Variants in CFAP61 observed in about 807,000 individuals in gnomAD.
CFAP61 encodes the protein cilia- and flagella-associated protein 61.
Under a neutral mutation model 135.6 loss-of-function variants are expected in CFAP61, and 107 were observed. The observed-to-expected ratio is 0.79, with a 90% CI of 0.67 to 0.93. CFAP61 has a LOEUF of 0.93. CFAP61 is among the 40% of genes least tolerant of loss of function. The pLI is 0.00. For synonymous variants in CFAP61, 575 were observed against 578.5 expected, an observed-to-expected ratio of 0.99 and a Z score of 0.09; for missense variants, 1,507 against 1,556.2, an observed-to-expected ratio of 0.97 and a Z score of 0.53.
At chr20:20,300,180 T>A (rs1380298125) in intron 25 of CFAP61, among the ~76,000 whole-genome samples, 1 of 152,184 alleles carries the variant, frequency 6.6e-6, no homozygotes, top group African/African-American at 2.4e-5. Context: ...CACAGTTATG[T>A]CCAGTGCAGA....
At chr20:20,069,053 A>G (rs2045520336) in intron 2 of CFAP61, among the ~76,000 whole-genome samples, 1 of 151,838 alleles carries the variant, frequency 6.6e-6, no homozygotes. Flanking sequence ...TTTACCTTCT[A>G]TATATACCGA....
rs997211994 is a variant in CFAP61, at chr20:20,105,179, C to T, written c.859+6365C>T. On this transcript the variant is annotated intron_variant, in intron 8 of 26. Coordinates refer to ENST00000245957, the MANE Select transcript of CFAP61 (RefSeq NM_015585.4). ...GTTCTTCCCCTGGCTGGATGTAAGC[C>T]GCACCCACCCAACCTTCTGTGCCCG... 9.2e-5 allele frequency among the ~76,000 whole-genome samples: 14 copies of T among 152,162 alleles called. 1 individual carries two copies. The South Asian group carries it at 2.1e-3, about 23-fold the overall frequency.
At chr20:20,325,836 G>A (rs2057727802) in intron 25 of CFAP61, among the ~76,000 whole-genome samples, 1 of 152,170 alleles carries the variant, frequency 6.6e-6, no homozygotes, top group Non-Finnish European at 1.5e-5. Context: ...CACCAGCAAT[G>A]AATGAGAGCT....
intron 24 of CFAP61, among the ~76,000 whole-genome samples, chr20:20,291,859 G>C (rs545534049): frequency 1.3e-5 from 2 of 152,162 alleles, no homozygotes; most frequent in Non-Finnish European, 2.9e-5. Context: ...GATATGTCAC[G>C]TTTGATTTTT....
At chr20:20,340,839 C>A (rs577567698) in intron 25 of CFAP61, among the ~76,000 whole-genome samples, 3 of 152,242 alleles carry the variant, frequency 2.0e-5, no homozygotes, top group African/African-American at 7.2e-5. Flanking sequence ...GAACTGATGC[C>A]ATGTTCTGAT....
rs947596390 is a variant in CFAP61, at chr20:20,359,433, G to A, written c.3514-777G>A. ...TAATCCCAGCACTTTGGGAGGCCGA[G>A]GTGGGCAGATCACCTGAGGTCGGGA... On this transcript the variant is annotated intron_variant, in intron 26 of 26. Coordinates refer to ENST00000245957, the MANE Select transcript of CFAP61 (RefSeq NM_015585.4). This position sits in a 1 kb window ranked among gnomAD's most constrained non-coding sequence, Gnocchi z 4.0. Among the ~76,000 whole-genome samples the A allele has an allele frequency of 1.3e-5, 2 of 152,104 alleles. No homozygotes were observed. Among genetic ancestry groups the A allele is most frequent in the Non-Finnish European group, 2.9e-5 (2 of 68,016 alleles).
At chr20:20,113,518 A>G (rs2048937745) in intron 8 of CFAP61, among the ~76,000 whole-genome samples, 2 of 152,184 alleles carry the variant, frequency 1.3e-5, no homozygotes, top group Non-Finnish European at 2.9e-5. Context: ...GTTCTAAGCA[A>G]TGTCCTCCAA....
intron 25 of CFAP61, among the ~76,000 whole-genome samples, chr20:20,318,254 G>C (rs948392790): frequency 1.3e-5 from 2 of 152,182 alleles, no homozygotes; most frequent in African/African-American, 4.8e-5. Flanking sequence ...ACTTAGGCCT[G>C]TATTGCAACA....
intron 6 of CFAP61, among the ~76,000 whole-genome samples, chr20:20,077,971 T>C (rs1374516813): frequency 6.6e-6 from 1 of 152,194 alleles, no homozygotes; most frequent in Non-Finnish European, 1.5e-5. Context: ...GGAAGGGGAT[T>C]CACCACAGAA....
At position 20,286,024 on chromosome 20, in the gene CFAP61, A is replaced by AAC. The variant is rs796704122; in HGVS notation, c.2797-2584_2797-2583insCA. ...TAATTGAAAAAGCAAACTTAAAAAA[A>AAC]AAAAAAACACCTCTAAAATAAGGGA... On this transcript the variant is annotated intron_variant, in intron 22 of 26. Transcript: ENST00000245957. Among the ~76,000 whole-genome samples, 620 of 151,778 alleles carry AAC rather than the reference A, an allele frequency of 4.1e-3. 4 individuals carry two copies. The highest frequency in any genetic ancestry group is 0.014 in the African/African-American group (583 of 41,402).
chr20:20,222,949 A>C (rs2146938358), intron 17 of CFAP61, among the ~76,000 whole-genome samples: 1 of 152,330 alleles, frequency 6.6e-6, no homozygotes, highest in African/African-American at 2.4e-5. Context: ...TAGGCTTATT[A>C]CGGATTTCAG....
chr20:20,299,392 T>C (rs926422119), intron 25 of CFAP61, among the ~76,000 whole-genome samples: 2 of 152,176 alleles, frequency 1.3e-5, no homozygotes, highest in Admixed American at 6.5e-5. Flanking sequence ...GTGAACTTCT[T>C]CTATAAGGGG....
At chr20:20,147,614 C>T (rs112982324) in intron 9 of CFAP61, among the ~76,000 whole-genome samples, 2 of 151,982 alleles carry the variant, frequency 1.3e-5, no homozygotes, top group South Asian at 2.1e-4. Context: ...CTGATCTGTT[C>T]GAATTCCTTG....
intron 2 of CFAP61, among the ~76,000 whole-genome samples, chr20:20,068,483 C>T (rs1039460566): frequency 6.6e-6 from 1 of 152,140 alleles, no homozygotes; most frequent in African/African-American, 2.4e-5. Flanking sequence ...AGTCTACTCC[C>T]TCCTTTCCTT....
intron 21 of CFAP61, among the ~76,000 whole-genome samples, chr20:20,276,718 C>A (rs563182370): frequency 6.6e-6 from 1 of 152,326 alleles, no homozygotes; most frequent in South Asian, 2.1e-4. Context: ...TCCTTGAAAT[C>A]AATCCAGTTC....
At chr20:20,317,653 C>T (rs1178085967) in intron 25 of CFAP61, among the ~76,000 whole-genome samples, 1 of 152,154 alleles carries the variant, frequency 6.6e-6, no homozygotes, top group Admixed American at 6.5e-5. Context: ...TCTTTGGATC[C>T]CACGGTACCC....
intron 25 of CFAP61, among the ~76,000 whole-genome samples, chr20:20,311,855 AACGCTGCCTGTTCCC>A (rs909000804): frequency 2.6e-5 from 4 of 152,324 alleles, no homozygotes; most frequent in African/African-American, 7.2e-5. Context: ...CAAGGCTGGG[AACGCTGCCTGTTCCC>A]ACCAGCCAGA....
chr20:20,084,430 T>A (rs1482136550), intron 6 of CFAP61, among the ~76,000 whole-genome samples: 1 of 103,078 alleles, frequency 9.7e-6, no homozygotes, highest in Non-Finnish European at 2.1e-5. Context: ...CTGCTGCTGC[T>A]GCTGCTGCTG....
intron 9 of CFAP61, among the ~76,000 whole-genome samples, chr20:20,158,693 A>G (rs1220491079): frequency 2.6e-5 from 4 of 152,142 alleles, no homozygotes; most frequent in African/African-American, 9.6e-5. Context: ...CAGAAAGTAC[A>G]AACTATAATG....
Sources: gnomAD v4.1 joint callset for allele counts (sites outside exome capture counted in the v4.1 genomes callset) on GRCh38, gnomAD v4.1.1 for gene constraint, Gnocchi (gnomAD v3.1) non-coding constraint, MANE v1.5 for transcripts, NCBI Gene and HGNC (gene_info 2026-07-23, HGNC 2026-07-21) for gene names.